The following TBC1D5 variants were observed in gnomAD, a reference collection of about 807,000 sequenced individuals.
TBC1D5 encodes TBC1 domain family, member 5.
A neutral mutation model predicts 100.3 loss-of-function variants in TBC1D5; 75 were observed. That is an observed-to-expected ratio of 0.75 (90% confidence interval 0.62 to 0.91). The LOEUF (loss-of-function observed/expected upper bound fraction) is 0.91, where lower values mean the gene tolerates loss of function less well. TBC1D5 is among the 40% of genes least tolerant of loss of function. The pLI is 0.00. For missense variants in TBC1D5, 910 were observed against 942.4 expected, an observed-to-expected ratio of 0.97 and a Z score of 0.45; for synonymous variants, 323 against 325.6, an observed-to-expected ratio of 0.99 and a Z score of 0.09.
In TBC1D5 at chr3:17,260,152, T is replaced by C. The variant is rs1312077452; in HGVS notation, c.1246-1561A>G. On this transcript the variant is annotated intron_variant, in intron 15 of 21. Coordinates refer to ENST00000253692, the Ensembl canonical transcript of TBC1D5. The stretch of plus-strand genomic sequence containing the variant: ...TGGCAGATTGACAGTGCATTCATGA[T>C]GTATTTTAAAAATTAACTTTCGCAG... 2.6e-5 allele frequency among the ~76,000 whole-genome samples: 4 copies of C among 152,302 alleles called. No homozygotes were observed. In the East Asian group the frequency reaches 7.7e-4, roughly 29 times the overall value.
At chr3:17,388,879 CAAAG>C (rs1327652823) in intron 8 of TBC1D5, among the ~76,000 whole-genome samples, 4 of 151,290 alleles carry the variant, frequency 2.6e-5, no homozygotes, top group East Asian at 3.9e-4. Context: ...AACAAACAAA[CAAAG>C]AAACAAAAAA....
chr3:17,678,716 T>C (rs1200130846), intron 1 of TBC1D5, among the ~76,000 whole-genome samples: 1 of 136,702 alleles, frequency 7.3e-6, no homozygotes, highest in Non-Finnish European at 1.6e-5. Flanking sequence ...CAAGATAACA[T>C]CCCAAACTGA....
intron 1 of TBC1D5, among the ~76,000 whole-genome samples, chr3:17,710,562 CTCAATAAATAAATAAA>C (rs1467576742): frequency 6.8e-6 from 1 of 146,658 alleles, no homozygotes; most frequent in African/African-American, 2.6e-5. Flanking sequence ...AAAACTCCAT[CTCAATAAATAAATAAA>C]TAAATAAATA....
chr3:17,254,484 T>C (rs946685675), intron 16 of TBC1D5, among the ~76,000 whole-genome samples: 1 of 152,174 alleles, frequency 6.6e-6, no homozygotes, highest in South Asian at 2.1e-4. Context: ...CATCTTTTCA[T>C]AGCACATTGA....
intron 17 of TBC1D5, among the ~76,000 whole-genome samples, chr3:17,216,307 A>AAT: frequency 6.6e-6 from 1 of 152,090 alleles, no homozygotes; most frequent in Non-Finnish European, 1.5e-5. Flanking sequence ...TGGTCTACCC[A>AAT]TTTCCAGTCA....
chr3:17,406,837 T>C (rs1427400677), intron 4 of TBC1D5: 1 of 229,604 alleles, frequency 4.4e-6, no homozygotes, highest in African/African-American at 2.3e-5. Context: ...ATGAATAATA[T>C]ATGACTCTTT....
intron 13 of TBC1D5, among the ~76,000 whole-genome samples, chr3:17,323,493 T>TTA (rs2085696901): frequency 6.9e-6 from 1 of 144,900 alleles, no homozygotes; most frequent in Non-Finnish European, 1.5e-5. Flanking sequence ...AAAACACTAT[T>TTA]TAAACTAGTG....
intron 13 of TBC1D5, among the ~76,000 whole-genome samples, chr3:17,371,379 A>G (rs970144483): frequency 6.6e-5 from 10 of 152,198 alleles, no homozygotes; most frequent in African/African-American, 2.4e-4. Flanking sequence ...TGCTGTTACC[A>G]GCTTGAAATT....
intron 2 of TBC1D5, among the ~76,000 whole-genome samples, chr3:17,617,577 G>A (rs1397369929): frequency 1.3e-5 from 2 of 152,160 alleles, no homozygotes; most frequent in African/African-American, 4.8e-5. Context: ...CATATTTCTT[G>A]TAGGCTTCGT....
intron 15 of TBC1D5, among the ~76,000 whole-genome samples, chr3:17,285,545 C>T (rs1444254953): frequency 1.3e-5 from 2 of 152,014 alleles, no homozygotes; most frequent in Non-Finnish European, 1.5e-5. Flanking sequence ...CAGGCGTGAG[C>T]CACCGCGCCC....
At chr3:17,379,834 A>G (rs532096409) in intron 9 of TBC1D5, among the ~76,000 whole-genome samples, 25 of 152,090 alleles carry the variant, frequency 1.6e-4, no homozygotes, top group Admixed American at 2.6e-4. Flanking sequence ...GAATAGAACA[A>G]TTATAACAAT....
Position 17,662,487 on chromosome 3 carries a change from T to C in TBC1D5, c.-100-38574A>G, listed in dbSNP as rs568129506. On this transcript the variant is annotated intron_variant, in intron 1 of 21. Coordinates refer to ENST00000253692, the Ensembl canonical transcript of TBC1D5. ...ACTGTTTAAAATATTTTACAGCAATTTGACAGAGTAATGAGCCAATATTTT... is the reference window on the plus strand; with the variant it reads ...ACTGTTTAAAATATTTTACAGCAATCTGACAGAGTAATGAGCCAATATTTT... 3.3e-5 allele frequency among the ~76,000 whole-genome samples: 5 copies of C among 152,320 alleles called. No homozygotes were observed. In the South Asian group the frequency reaches 1.0e-3, roughly 32 times the overall value.
chr3:17,411,666 T>C (rs993682187), intron 4 of TBC1D5, among the ~76,000 whole-genome samples: 38 of 152,266 alleles, frequency 2.5e-4, no homozygotes, highest in African/African-American at 8.2e-4. Flanking sequence ...GCACAGCTGG[T>C]GGCTAGATTC....
Position 17,323,910 on chromosome 3 carries a change from T to C in TBC1D5, c.996-15776A>G, listed in dbSNP as rs562961787. Among the ~76,000 whole-genome samples the C allele has an allele frequency of 2.0e-5, 3 of 152,332 alleles. No homozygotes were observed. In the East Asian group the frequency reaches 5.8e-4, roughly 29 times the overall value. ...AAACAAAGTTGGAGGACTCATATTA[T>C]GTGATATACAGAATTACTATAAAAG... On this transcript the variant is annotated intron_variant, in intron 13 of 21. Transcript: ENST00000253692.
chr3:17,512,129 T>C (rs953322056), intron 2 of TBC1D5, among the ~76,000 whole-genome samples: 2 of 152,082 alleles, frequency 1.3e-5, no homozygotes, highest in Non-Finnish European at 2.9e-5. Context: ...ATAATGTTGT[T>C]TTTAAATATG....
chr3:17,657,105 C>G (rs1190226341), intron 1 of TBC1D5, among the ~76,000 whole-genome samples: 1 of 152,050 alleles, frequency 6.6e-6, no homozygotes, highest in Non-Finnish European at 1.5e-5. Flanking sequence ...TGAAGTCTAT[C>G]TTTTAATCAC....
chr3:17,307,886 G>A, intron 14 of TBC1D5, 106 bp downstream of exon 14: 1 of 1,417,786 alleles, frequency 7.1e-7, no homozygotes. Context: ...CAAAAATTGA[G>A]GTACATGCAA....
At chr3:17,537,299 T>C (rs931274245) in intron 2 of TBC1D5, among the ~76,000 whole-genome samples, 3 of 152,236 alleles carry the variant, frequency 2.0e-5, no homozygotes, top group African/African-American at 7.2e-5. Flanking sequence ...CTGCTTAGCA[T>C]GGCCTCAGGT....
chr3:17,483,013 C>T (rs1036088818), intron 3 of TBC1D5, among the ~76,000 whole-genome samples: 1 of 152,062 alleles, frequency 6.6e-6, no homozygotes, highest in Non-Finnish European at 1.5e-5. Context: ...GTTAAAAGGC[C>T]AGATTGTGCA....
Sources: gnomAD v4.1 joint callset for allele counts (sites outside exome capture counted in the v4.1 genomes callset) on GRCh38, gnomAD v4.1.1 for gene constraint, MANE v1.5 for transcripts, NCBI Gene and HGNC (gene_info 2026-07-23, HGNC 2026-07-21) for gene names.